Variants in ANO6 observed in about 807,000 individuals in gnomAD.
The protein encoded by ANO6 is anoctamin-6.
Under a neutral mutation model 117.5 loss-of-function variants are expected in ANO6, and 106 were observed. The ratio of observed to expected loss-of-function variants is 0.90; its 90% confidence interval spans 0.77 to 1.06. The LOEUF (loss-of-function observed/expected upper bound fraction) is 1.06. ANO6 is among the 50% of genes least tolerant of loss of function. The pLI, the probability that ANO6 is intolerant of heterozygous loss-of-function variation, is 0.00. For synonymous variants in ANO6, 367 were observed against 385.1 expected, an observed-to-expected ratio of 0.95 and a Z score of 0.55; for missense variants, 955 against 1,121.1, an observed-to-expected ratio of 0.85 and a Z score of 2.12.
chr12:45,399,102 A>G (rs1307846493), intron 12 of ANO6, among the ~76,000 whole-genome samples: 1 of 152,200 alleles, frequency 6.6e-6, no homozygotes, highest in Non-Finnish European at 1.5e-5. Context: ...CCTCCTGGGC[A>G]TGGTGGGTCT....
intron 3 of ANO6, among the ~76,000 whole-genome samples, chr12:45,342,376 G>C (rs12297071): frequency 2.0e-5 from 3 of 152,100 alleles, no homozygotes; most frequent in Non-Finnish European, 4.4e-5. Context: ...AACTGCCCTC[G>C]TGTGGGGCTG....
intron 2 of ANO6, among the ~76,000 whole-genome samples, chr12:45,320,042 G>A (rs971794758): frequency 9.9e-5 from 15 of 151,932 alleles, no homozygotes; most frequent in Non-Finnish European, 1.5e-4. Flanking sequence ...CGGTCTATCA[G>A]TTTTGTTGAT....
intron 7 of ANO6, among the ~76,000 whole-genome samples, chr12:45,355,770 C>A (rs1345171644): frequency 3.9e-5 from 6 of 152,138 alleles, no homozygotes; most frequent in Admixed American, 3.9e-4. Flanking sequence ...AGGCCTGTGA[C>A]CCATGGAACT....
intron 1 of ANO6, among the ~76,000 whole-genome samples, chr12:45,251,904 A>G (rs73293360): frequency 0.014 from 2,189 of 152,332 alleles, 42 homozygotes; most frequent in African/African-American, 0.048. Context: ...ACTGATGATC[A>G]AAAATAACAC....
intron 19 of ANO6, among the ~76,000 whole-genome samples, chr12:45,428,505 C>T (rs754765315): frequency 6.6e-6 from 1 of 152,008 alleles, no homozygotes; most frequent in African/African-American, 2.4e-5. Context: ...CACTTGAGCC[C>T]AGGAGTAGGA....
At chr12:45,256,696 C>T (rs1385203866) in intron 1 of ANO6, 1 of 152,154 alleles carries the variant, frequency 6.6e-6, no homozygotes, top group Non-Finnish European at 1.5e-5. Context: ...CCTTGATTAA[C>T]TGAACCTTTC....
intron 3 of ANO6, among the ~76,000 whole-genome samples, chr12:45,340,274 G>A (rs924942514): frequency 2.0e-5 from 3 of 152,108 alleles, no homozygotes; most frequent in African/African-American, 7.2e-5. Flanking sequence ...GGTTTCTGGA[G>A]TGTGGCAGGT....
chr12:45,409,047 G>A (rs954879244), intron 15 of ANO6, among the ~76,000 whole-genome samples: 1 of 151,906 alleles, frequency 6.6e-6, no homozygotes, highest in South Asian at 2.1e-4. Flanking sequence ...ATGATAAGGG[G>A]GAAATGAAAA....
intron 3 of ANO6, among the ~76,000 whole-genome samples, chr12:45,334,141 TA>T (rs1469521139): frequency 6.6e-6 from 1 of 152,070 alleles, no homozygotes; most frequent in Non-Finnish European, 1.5e-5. Flanking sequence ...TACCTTCCTT[TA>T]AAAAGCATAA....
chr12:45,360,772 A>G (rs576260200), intron 8 of ANO6, among the ~76,000 whole-genome samples: 27 of 152,126 alleles, frequency 1.8e-4, no homozygotes, highest in Admixed American at 5.2e-4. Context: ...ATTTTTGTAA[A>G]TGGTATGAGA....
chr12:45,239,627 A>C (rs1487570854), intron 1 of ANO6, among the ~76,000 whole-genome samples: 1 of 151,056 alleles, frequency 6.6e-6, no homozygotes. Context: ...TAGTTCTTTT[A>C]ATTGTGATGT....
At chr12:45,392,960 C>T (rs1473364634) in intron 12 of ANO6, among the ~76,000 whole-genome samples, 2 of 152,180 alleles carry the variant, frequency 1.3e-5, no homozygotes, top group Non-Finnish European at 2.9e-5. Context: ...CACAGCTCCT[C>T]GCCAGCAACG....
intron 1 of ANO6, among the ~76,000 whole-genome samples, chr12:45,250,622 C>T (rs967193196): frequency 6.6e-6 from 1 of 151,906 alleles, no homozygotes; most frequent in African/African-American, 2.4e-5. Context: ...AGGCTGGTCT[C>T]AAATTTCTGA....
intron 1 of ANO6, among the ~76,000 whole-genome samples, chr12:45,248,021 C>A (rs1251758451): frequency 1.3e-5 from 2 of 152,164 alleles, no homozygotes; most frequent in African/African-American, 2.4e-5. Flanking sequence ...TGTCTCATTT[C>A]TATGAGTTTT....
At chr12:45,230,680 T>C (rs1811789460) in intron 1 of ANO6, among the ~76,000 whole-genome samples, 1 of 152,064 alleles carries the variant, frequency 6.6e-6, no homozygotes, top group African/African-American at 2.4e-5. Flanking sequence ...TTTGATAGTC[T>C]TTCTACTAAA....
chr12:45,330,529 A>G (rs1313474456), intron 2 of ANO6, among the ~76,000 whole-genome samples: 4 of 152,160 alleles, frequency 2.6e-5, no homozygotes, highest in Non-Finnish European at 5.9e-5. Flanking sequence ...ATCATTCCTC[A>G]GAGTAAATTA....
intron 2 of ANO6, among the ~76,000 whole-genome samples, chr12:45,314,752 C>A (rs1166972501): frequency 6.6e-6 from 1 of 151,996 alleles, no homozygotes; most frequent in Non-Finnish European, 1.5e-5. Flanking sequence ...GGAGAGTAAT[C>A]TCCTTTACTT....
Position 45,409,501 on chromosome 12 carries a change from G to A in ANO6, c.2011+14G>A. 6.2e-7 allele frequency: 1 copy of A among 1,611,876 alleles called. No individual in the cohort carries two copies. On this transcript the variant is annotated intron_variant, in intron 16 of 19. Coordinates refer to ENST00000320560, the MANE Select transcript of ANO6 (RefSeq NM_001025356.3). ...ATCTTGAAATGAGTAAGTTGTTAGT[G>A]AAGTTTTTAGTGATATAAAACATGT...
chr12:45,325,016 T>C (rs1940411852), intron 2 of ANO6, among the ~76,000 whole-genome samples: 1 of 152,130 alleles, frequency 6.6e-6, no homozygotes. Flanking sequence ...GAACCAAACA[T>C]AGGTAAGCTA....
Sources: allele counts gnomAD v4.1 joint callset (sites outside exome capture counted in the v4.1 genomes callset), GRCh38; gene constraint gnomAD v4.1.1; transcripts MANE v1.5; gene names NCBI Gene and HGNC (gene_info 2026-07-23, HGNC 2026-07-21).